Variants in GRID2 observed in about 807,000 individuals in gnomAD.
The protein encoded by GRID2 is glutamate receptor ionotropic, delta-2.
A neutral mutation model predicts 114.8 loss-of-function variants in GRID2; 33 were observed. The ratio of observed to expected loss-of-function variants is 0.29; its 90% CI spans 0.22 to 0.38. The LOEUF (loss-of-function observed/expected upper bound fraction) is 0.38. Among genes scored for constraint, GRID2 ranks in the 10% least tolerant of loss-of-function variants. The probability of loss-of-function intolerance (pLI) is 1.00; values close to 1 mark genes in which losing one functional copy is unlikely to be tolerated. For synonymous variants in GRID2, 505 were observed against 449.9 expected, an observed-to-expected ratio of 1.12 and a Z score of -1.55; for missense variants, 1,184 against 1,257.7, an observed-to-expected ratio of 0.94 and a Z score of 0.89.
At chr4:93,065,256 TATCTC>T (rs1728199682) in intron 2 of GRID2, among the ~76,000 whole-genome samples, 1 of 151,918 alleles carries the variant, frequency 6.6e-6, no homozygotes, top group South Asian at 2.1e-4. Context: ...ATTTAAAAGT[TATCTC>T]ATTTAAATTC....
At chr4:92,997,638 A>G (rs1340744202) in intron 2 of GRID2, among the ~76,000 whole-genome samples, 1 of 152,186 alleles carries the variant, frequency 6.6e-6, no homozygotes, top group Non-Finnish European at 1.5e-5. Flanking sequence ...CTGGCCTCAC[A>G]GCAGTGAAGG....
intron 4 of GRID2, among the ~76,000 whole-genome samples, chr4:93,167,067 A>G (rs1483397560): frequency 2.0e-5 from 3 of 152,166 alleles, no homozygotes; most frequent in African/African-American, 7.2e-5. Context: ...TGTATGTTTC[A>G]TAAGAGAGGT....
intron 2 of GRID2, among the ~76,000 whole-genome samples, chr4:92,669,852 A>G (rs1166010933): frequency 1.3e-5 from 2 of 152,000 alleles, no homozygotes; most frequent in African/African-American, 4.8e-5. Flanking sequence ...CCTTCCAATA[A>G]CAATTATTAA....
intron 2 of GRID2, among the ~76,000 whole-genome samples, chr4:92,864,614 C>T (rs1390876347): frequency 6.6e-6 from 1 of 152,094 alleles, no homozygotes; most frequent in Non-Finnish European, 1.5e-5. Context: ...TAAACCACAC[C>T]CTATTGCCTT....
chr4:92,715,779 A>G (rs1256132006), intron 2 of GRID2, among the ~76,000 whole-genome samples: 1 of 152,128 alleles, frequency 6.6e-6, no homozygotes, highest in African/African-American at 2.4e-5. Context: ...CCCTCCCACA[A>G]CACGTGGAAA....
chr4:93,506,593 A>G (rs1158726209), intron 12 of GRID2, among the ~76,000 whole-genome samples: 1 of 152,154 alleles, frequency 6.6e-6, no homozygotes, highest in Admixed American at 6.5e-5. Context: ...AGGAGTGGGG[A>G]AAGGGACAGA....
chr4:93,250,752 ATATT>A (rs1031235034), intron 8 of GRID2, among the ~76,000 whole-genome samples: 22 of 147,274 alleles, frequency 1.5e-4, no homozygotes, highest in African/African-American at 5.2e-4. Context: ...TGTTATATAT[ATATT>A]TATATATATA....
At chr4:93,607,273 G>A (rs1352251980) in intron 13 of GRID2, among the ~76,000 whole-genome samples, 1 of 151,954 alleles carries the variant, frequency 6.6e-6, no homozygotes, top group African/African-American at 2.4e-5. Flanking sequence ...TATAAGTCCT[G>A]GTCATTGTTG....
intron 4 of GRID2, chr4:93,164,675 A>G: frequency 2.4e-6 from 1 of 413,888 alleles, no homozygotes; most frequent in South Asian, 1.7e-5. Flanking sequence ...TGTTTGAGGA[A>G]TCTAGCTTTG....
chr4:93,314,303 C>CAAAAAA (rs56977080), intron 8 of GRID2, among the ~76,000 whole-genome samples: 38 of 54,064 alleles, frequency 7.0e-4, no homozygotes, highest in Middle Eastern at 0.014. Flanking sequence ...GAGTCTGTCT[C>CAAAAAA]AAAAAAAAAA....
At chr4:93,041,300 C>T (rs1461427245) in intron 2 of GRID2, among the ~76,000 whole-genome samples, 3 of 152,098 alleles carry the variant, frequency 2.0e-5, no homozygotes, top group Non-Finnish European at 4.4e-5. Flanking sequence ...ACTTACAGGG[C>T]ACTGCTTAGA....
intron 14 of GRID2, among the ~76,000 whole-genome samples, chr4:93,762,969 A>G (rs1733341090): frequency 6.6e-6 from 1 of 152,012 alleles, no homozygotes; most frequent in African/African-American, 2.4e-5. Flanking sequence ...ACCCCAACAA[A>G]CCAAAGGAGG....
At position 93,162,399 on chromosome 4, in the gene GRID2, A is replaced by T. The variant is rs140004595; in HGVS notation, c.736-45005A>T. Among the ~76,000 whole-genome samples the T allele has an allele frequency of 1.7e-3, 264 of 152,082 alleles. 3 individuals carry two copies. Among genetic ancestry groups the T allele is most frequent in the African/African-American group, 6.2e-3 (257 of 41,544 alleles). On this transcript the variant is annotated intron_variant, in intron 4 of 15. Transcript: ENST00000282020. Reference sequence around the variant, plus strand: ...TAAAATATAATAAACATGTCAGCTTACCACATAGTAGTTTCTTCAAATTGT... The same window carrying T: ...TAAAATATAATAAACATGTCAGCTTTCCACATAGTAGTTTCTTCAAATTGT...
chr4:92,586,209 A>G (rs1352147054), intron 1 of GRID2, among the ~76,000 whole-genome samples: 1 of 151,956 alleles, frequency 6.6e-6, no homozygotes, highest in African/African-American at 2.4e-5. Context: ...AGAAGGAGAA[A>G]AATCTTCGAA....
At chr4:92,424,321 T>C (rs1470703440) in intron 1 of GRID2, among the ~76,000 whole-genome samples, 1 of 152,120 alleles carries the variant, frequency 6.6e-6, no homozygotes, top group Non-Finnish European at 1.5e-5. Context: ...TATGATACCA[T>C]GTATTATATT....
chr4:92,369,584 A>G lies in GRID2; in HGVS notation c.88+64840A>G, dbSNP rs150259800. Among the ~76,000 whole-genome samples the G allele has an allele frequency of 5.0e-3, 769 of 152,292 alleles. 3 individuals are homozygous for G. The highest frequency in any genetic ancestry group is 0.019 in the South Asian group (93 of 4,832). ...AGGCCATGTTCAGAAAAATCCTTGC[A>G]TATCACTACCAACACACTTCAGTAT... On this transcript the variant is annotated intron_variant, in intron 1 of 15. Coordinates refer to ENST00000282020, the MANE Select transcript of GRID2 (RefSeq NM_001510.4).
At chr4:93,277,397 T>A (rs2149579410) in intron 8 of GRID2, among the ~76,000 whole-genome samples, 1 of 152,060 alleles carries the variant, frequency 6.6e-6, no homozygotes, top group East Asian at 1.9e-4. Flanking sequence ...CCTTTCTAAC[T>A]TATTAAAGAT....
rs189223058 is a variant in GRID2, at chr4:92,350,014, T to A, written c.88+45270T>A. ...CTACTATATGCATTTTGGGAAGGCA[T>A]ATAACCATTACATATTACAATCCAT... On this transcript the variant is annotated intron_variant, in intron 1 of 15. Coordinates refer to ENST00000282020, the MANE Select transcript of GRID2 (RefSeq NM_001510.4). Among the ~76,000 whole-genome samples the A allele has an allele frequency of 1.4e-4, 22 of 152,080 alleles. No individual in the cohort carries two copies. In the East Asian group the frequency reaches 4.3e-3, roughly 29 times the overall value.
intron 2 of GRID2, among the ~76,000 whole-genome samples, chr4:92,946,095 A>T (rs1046988552): frequency 4.6e-5 from 7 of 152,134 alleles, no homozygotes; most frequent in African/African-American, 9.7e-5. Context: ...GAGAAAATTT[A>T]AAAAATTATA....
Sources: gnomAD v4.1 joint callset for allele counts (sites outside exome capture counted in the v4.1 genomes callset) on GRCh38, gnomAD v4.1.1 for gene constraint, MANE v1.5 for transcripts, NCBI Gene and HGNC (gene_info 2026-07-23, HGNC 2026-07-21) for gene names.